ATG2B: variants seen among roughly 807,000 people sequenced by gnomAD.
The protein encoded by ATG2B is autophagy related 2B.
Under a neutral mutation model 241.3 loss-of-function variants are expected in ATG2B, and 121 were observed. That is an observed-to-expected ratio of 0.50 (90% CI 0.43 to 0.58). The LOEUF (loss-of-function observed/expected upper bound fraction) is 0.58. Among genes scored for constraint, ATG2B ranks in the 20% least tolerant of loss-of-function variants. The pLI is 0.00. For synonymous variants in ATG2B, 858 were observed against 876.6 expected, an observed-to-expected ratio of 0.98 and a Z score of 0.37; for missense variants, 2,306 against 2,491.6, an observed-to-expected ratio of 0.93 and a Z score of 1.59.
intron 1 of ATG2B, 58 bp downstream of exon 1, chr14:96,362,757 T>G (rs1888698491): frequency 6.5e-7 from 1 of 1,545,016 alleles, no homozygotes; most frequent in East Asian, 2.3e-5. Context: ...TGGCACTGGT[T>G]CAAAGCGCCC....
intron 14 of ATG2B, among the ~76,000 whole-genome samples, 169 bp from the exon 15 acceptor site, chr14:96,326,091 T>C (rs1279229076): frequency 2.0e-5 from 3 of 152,212 alleles, no homozygotes; most frequent in African/African-American, 7.2e-5. Context: ...AAAAAAATTT[T>C]ATAATGCAAC....
In ATG2B at chr14:96,332,510, ACTT is replaced by A; in HGVS notation, c.1350_1352del (p.Leu450_Ser451delinsPhe). ...TTAAGTAATACTTTACCACAGTAGC[ACTT>A]AATGGAGATCCTGCTGGGGTATTTG... On this transcript the variant is annotated inframe_deletion, in exon 9 of 42. Coordinates refer to ENST00000359933, the MANE Select transcript of ATG2B (RefSeq NM_018036.7). 3 of 1,610,186 alleles carry A rather than the reference ACTT, an allele frequency of 1.9e-6. No homozygotes were observed. Among genetic ancestry groups the A allele is most frequent in the Non-Finnish European group, 2.5e-6 (3 of 1,178,570 alleles).
intron 5 of ATG2B, among the ~76,000 whole-genome samples, chr14:96,342,491 G>A (rs865968996): frequency 5.9e-5 from 9 of 152,116 alleles, no homozygotes; most frequent in South Asian, 4.1e-4. Context: ...GGAGGCTGAG[G>A]CAGGTGGATC....
At chr14:96,287,353 T>C (rs1886366875) in intron 41 of ATG2B, among the ~76,000 whole-genome samples, 1 of 150,840 alleles carries the variant, frequency 6.6e-6, no homozygotes, top group Admixed American at 6.6e-5. Context: ...AGAGAAACCA[T>C]GAGCACAACA....
At position 96,325,875 on chromosome 14, in the gene ATG2B, T is replaced by C. The variant is rs1464550489; in HGVS notation, c.2211A>G (p.Ala737=). The change falls in exon 15 of 42, where the codon GCA becomes GCG. Residue 737 remains alanine, a synonymous_variant. Coordinates refer to ENST00000359933, the MANE Select transcript of ATG2B (RefSeq NM_018036.7). ...CAACTTGTACTGATATCCGACAATT[T>C]GCAGGACTATGTGAATCATCTAGAA... The part of the protein sequence containing the change: ...EVFLDDSHSP[A]NCRISVQVAT... 12 of 1,613,900 alleles carry C rather than the reference T, an allele frequency of 7.4e-6. No homozygotes were observed. Among genetic ancestry groups the C allele is most frequent in the Non-Finnish European group, 1.0e-5 (12 of 1,179,972 alleles).
chr14:96,344,952 C>T (rs1888133288), intron 3 of ATG2B, among the ~76,000 whole-genome samples, 196 bp from the exon 4 acceptor site: 1 of 151,960 alleles, frequency 6.6e-6, no homozygotes, highest in Admixed American at 6.6e-5. Flanking sequence ...AACCATGTTA[C>T]ATCTCAACAG....
intron 28 of ATG2B, 97 bp from the exon 29 acceptor site, chr14:96,309,691 A>G: frequency 8.6e-7 from 1 of 1,164,894 alleles, no homozygotes; most frequent in East Asian, 2.5e-5. Flanking sequence ...ACATTGTACA[A>G]AAACATCAGA....
intron 1 of ATG2B, among the ~76,000 whole-genome samples, chr14:96,359,749 C>T (rs913712172): frequency 1.3e-5 from 2 of 152,170 alleles, no homozygotes; most frequent in Non-Finnish European, 2.9e-5. Context: ...CTCTATTTCT[C>T]CCTCCACTTC....
chr14:96,307,639 A>C (rs1467788390), intron 29 of ATG2B, among the ~76,000 whole-genome samples: 1 of 151,610 alleles, frequency 6.6e-6, no homozygotes, highest in East Asian at 2.0e-4. Flanking sequence ...TTACAATGTG[A>C]GGGGAAACTG....
intron 21 of ATG2B, among the ~76,000 whole-genome samples, chr14:96,316,229 G>C (rs571808764): frequency 1.6e-4 from 24 of 152,074 alleles, no homozygotes; most frequent in Non-Finnish European, 3.2e-4. Flanking sequence ...TTCTTCATGG[G>C]GTAATAAACA....
intron 41 of ATG2B, among the ~76,000 whole-genome samples, chr14:96,288,233 C>G (rs1886391554): frequency 6.6e-6 from 1 of 152,196 alleles, no homozygotes; most frequent in South Asian, 2.1e-4. Flanking sequence ...CTGGCAGAAC[C>G]CGTTTCCTCA....
At chr14:96,338,491 TC>T (rs1244926108) in intron 6 of ATG2B, among the ~76,000 whole-genome samples, 1 of 152,084 alleles carries the variant, frequency 6.6e-6, no homozygotes, top group Non-Finnish European at 1.5e-5. Flanking sequence ...AGAGTTTTTA[TC>T]ATAAAGGGAT....
At position 96,311,254 on chromosome 14, in the gene ATG2B, C is replaced by T. The variant is rs780282153; in HGVS notation, c.4024G>A (p.Asp1342Asn). The T allele has an allele frequency of 1.4e-5, 22 of 1,613,672 alleles. No individual in the cohort carries two copies. The highest frequency in any genetic ancestry group is 6.7e-5 in the Admixed American group (4 of 59,962). ...EPRFELHCSS[D>N]VVHIRTCSDS... The stretch of plus-strand genomic sequence containing the variant: ...GAGCACGTTCTGATATGGACAACAT[C>T]GCTGGAACAGTGTAACTCAAAGCGG... Residue 1342 changes from aspartate (D) to asparagine (N), a missense_variant, in exon 28 of 42, where the codon GAT (aspartate) becomes AAT (asparagine). Transcript: ENST00000359933.
Position 96,315,174 on chromosome 14 carries a change from C to T in ATG2B, c.3622G>A (p.Gly1208Arg). Residue 1208 changes from glycine (G) to arginine (R), a missense_variant, in exon 23 of 42, where the codon GGG becomes AGG. Transcript: ENST00000359933. Reference sequence around the variant, plus strand: ...CTTACCTGCTCATGCCAGCTAAGCCCAGAAGGAAGCATTCTATGCTGGAGA... The same window carrying T: ...CTTACCTGCTCATGCCAGCTAAGCCTAGAAGGAAGCATTCTATGCTGGAGA... ...ATLQHRMLPS[G>R]LSWHEQILYF... 1.9e-6 allele frequency: 3 copies of T among 1,614,088 alleles called. No homozygotes were observed. The highest frequency in any genetic ancestry group is 8.5e-7 in the Non-Finnish European group (1 of 1,179,954).
chr14:96,294,418 C>G (rs1373757608), intron 36 of ATG2B, among the ~76,000 whole-genome samples: 1 of 152,166 alleles, frequency 6.6e-6, no homozygotes, highest in East Asian at 1.9e-4. Context: ...GTGCTGTGCT[C>G]GAGCTGGCCG....
At chr14:96,307,814 G>C (rs2139853273) in intron 29 of ATG2B, among the ~76,000 whole-genome samples, 1 of 152,174 alleles carries the variant, frequency 6.6e-6, no homozygotes, top group South Asian at 2.1e-4. Context: ...ATCTTAGGTA[G>C]CTATCGCAAA....
chr14:96,295,037 C>A lies in ATG2B; in HGVS notation c.5349G>T (p.Val1783=). 6.2e-7 allele frequency: 1 copy of A among 1,614,194 alleles called. No individual in the cohort carries two copies. The highest frequency in any genetic ancestry group is 1.1e-5 in the South Asian group (1 of 91,084). ...QPSQNDSANS[V]EVVNGMEEKN... The stretch of plus-strand genomic sequence containing the variant: ...TCTCTTCCATGCCATTAACCACTTC[C>A]ACTGAATTGGCACTATCATTTTGGG... Residue 1783 remains valine, a synonymous_variant, in exon 36 of 42, where the codon GTG becomes GTT. Coordinates refer to ENST00000359933, the MANE Select transcript of ATG2B (RefSeq NM_018036.7).
At position 96,332,338 on chromosome 14, in the gene ATG2B, T is replaced by C; in HGVS notation, c.1435A>G (p.Asn479Asp). ...QPVRGSTFPSNLVHPTPLQKT... is the reference protein window; with the variant it reads ...QPVRGSTFPSDLVHPTPLQKT... ...TGTAAAGGTGTTGGGTGAACTAGGT[T>C]GGATGGAAATGTTGACCCTCTTACT... Residue 479 changes from asparagine to aspartate, a missense_variant, in exon 10 of 42, where the codon AAC becomes GAC. Transcript: ENST00000359933. 2 of 1,613,830 alleles carry C rather than the reference T, an allele frequency of 1.2e-6. No individual in the cohort carries two copies. The highest frequency in any genetic ancestry group is 1.1e-5 in the South Asian group (1 of 91,066).
intron 34 of ATG2B, among the ~76,000 whole-genome samples, chr14:96,296,112 C>T (rs1351612958): frequency 6.6e-6 from 1 of 152,188 alleles, no homozygotes; most frequent in East Asian, 1.9e-4. Context: ...CGCCACCATG[C>T]CCAGCTAATT....
Sources: allele counts gnomAD v4.1 joint callset (sites outside exome capture counted in the v4.1 genomes callset), GRCh38; gene constraint gnomAD v4.1.1; transcripts MANE v1.5; gene names NCBI Gene and HGNC (gene_info 2026-07-23, HGNC 2026-07-21).